INHBA: variants seen among roughly 807,000 people sequenced by gnomAD.
INHBA encodes inhibin subunit beta A, also known as inhibin beta A chain.
In INHBA, 1 loss-of-function variant was observed where a neutral mutation model predicts 29.0. The ratio of observed to expected loss-of-function variants is 0.03; its 90% CI spans 0.01 to 0.16. The LOEUF (loss-of-function observed/expected upper bound fraction) is 0.16, where lower values mean the gene tolerates loss of function less well. Ranked by LOEUF, INHBA falls within the 10% of genes least tolerant of loss-of-function variation. The pLI is 1.00. For synonymous variants in INHBA, 242 were observed against 216.8 expected, an observed-to-expected ratio of 1.12 and a Z score of -1.02; for missense variants, 376 against 545.4, an observed-to-expected ratio of 0.69 and a Z score of 3.09.
chr7:41,700,398 T>C lies in INHBA; in HGVS notation c.-24A>G, dbSNP rs745944714. 10 of 1,416,030 alleles carry C rather than the reference T, an allele frequency of 7.1e-6. No homozygotes were observed. The East Asian group carries it at 1.2e-4, about 17-fold the overall frequency. 87.7% of individuals were successfully genotyped at this position (1,416,030 alleles called of 1,614,324 possible). ...ATCCTGGCAGCAAAAGTTGTTGTGA[T>C]TGCCTTTTTAAAAGGCCCTGCTTTT... On this transcript the variant is annotated 5_prime_UTR_variant, in exon 2 of 3. Transcript: ENST00000242208.
chr7:41,699,086 T>G (rs1305252790), intron 2 of INHBA, among the ~76,000 whole-genome samples: 2 of 152,226 alleles, frequency 1.3e-5, no homozygotes, highest in African/African-American at 4.8e-5. Context: ...TCCAAGTCCA[T>G]GGGCCCATAC....
At chr7:41,702,394 T>C (rs990335157) in intron 1 of INHBA, among the ~76,000 whole-genome samples, 4 of 152,190 alleles carry the variant, frequency 2.6e-5, no homozygotes, top group Non-Finnish European at 5.9e-5. Context: ...TCCAGAAACA[T>C]CAATTACTCC....
At position 41,687,493 on chromosome 7, in the gene INHBA, A is replaced by G. The variant is rs1266341627; in HGVS notation, c.*2157T>C. The G allele has an allele frequency of 6.6e-6, 1 of 152,236 alleles. No homozygotes were observed. Among genetic ancestry groups the G allele is most frequent in the Non-Finnish European group, 1.5e-5 (1 of 68,042 alleles). 9.4% of individuals were successfully genotyped at this position (152,236 alleles called of 1,614,324 possible). A position where few individuals can be genotyped will look rare whatever the true frequency, so the allele number is the denominator to read the frequency against. The stretch of plus-strand genomic sequence containing the variant: ...AGCTATTCCAGGCAAGCTAAGTACT[A>G]GAATAAACTAGATAAAAACTTGGCT... On this transcript the variant is annotated 3_prime_UTR_variant, in exon 3 of 3. Coordinates refer to ENST00000242208, the MANE Select transcript of INHBA (RefSeq NM_002192.4).
chr7:41,689,963 T>C lies in INHBA; in HGVS notation c.968A>G (p.Lys323Arg). Residue 323 changes from lysine (K) to arginine (R), a missense_variant, in exon 3 of 3, where the codon AAG (lysine) becomes AGG (arginine). Lys to Arg is a conservative substitution (Grantham distance 26, BLOSUM62 2). Transcript: ENST00000242208. ...CTTGAAACTGACAAAGAACTGTTTC[T>C]TACAGCAGATGTTGACCTTGCCATC... is the stretch of plus-strand genomic sequence containing the variant. ...ECDGKVNICCKKQFFVSFKDI... is the reference protein window; with the variant it reads ...ECDGKVNICCRKQFFVSFKDI... 6.2e-7 allele frequency: 1 copy of C among 1,614,064 alleles called. No homozygotes were observed. The highest frequency in any genetic ancestry group is 8.5e-7 in the Non-Finnish European group (1 of 1,180,034).
rs1014266777 is a variant in INHBA, at chr7:41,685,669, G to C, written c.*3981C>G. ...ATTTAAATAGAGGGTAAAACCCTTT[G>C]GAAATTAATACAGAAGAAATGATTC... On this transcript the variant is annotated 3_prime_UTR_variant, in exon 3 of 3. Coordinates refer to ENST00000242208, the MANE Select transcript of INHBA (RefSeq NM_002192.4). 9 of 151,958 alleles carry C rather than the reference G, an allele frequency of 5.9e-5. No individual in the cohort carries two copies. Among genetic ancestry groups the C allele is most frequent in the Non-Finnish European group, 1.0e-4 (7 of 67,926 alleles). The allele number at this position is 151,958 out of a possible 1,614,324, so 9.4% of individuals were successfully genotyped here. A position where few individuals can be genotyped will look rare whatever the true frequency, so the allele number is the denominator to read the frequency against.
chr7:41,700,221 G>A lies in INHBA; in HGVS notation c.154C>T (p.Pro52Ser). The A allele has an allele frequency of 6.2e-7, 1 of 1,613,934 alleles. No homozygotes were observed. Among genetic ancestry groups the A allele is most frequent in the Non-Finnish European group, 8.5e-7 (1 of 1,179,952 alleles). ...ALPKDVPNSQ[P>S]EMVEAVKKHI... ...TTCTTGACGGCCTCCACCATCTCTGGCTGAGAGTTGGGTACATCCTTTGGG... is the reference window on the plus strand; with the variant it reads ...TTCTTGACGGCCTCCACCATCTCTGACTGAGAGTTGGGTACATCCTTTGGG... Residue 52 changes from proline (P) to serine (S), a missense_variant, in exon 2 of 3, where the codon CCA becomes TCA. Physicochemically the swap from Pro to Ser is moderately conservative, Grantham distance 74. This residue lies in a region of INHBA where 71 missense variants were observed against 77.0 expected (regional missense o/e 0.92). Coordinates refer to ENST00000242208, the MANE Select transcript of INHBA (RefSeq NM_002192.4).
rs779393124 is a variant in INHBA, at chr7:41,689,691, C to A, written c.1240G>T (p.Asp414Tyr). Reference protein sequence around the residue: ...YDDGQNIIKKDIQNMIVEECG... With the variant: ...YDDGQNIIKKYIQNMIVEECG... ...TCCTCCACGATCATGTTCTGAATGT[C>A]CTTTTTGATGATGTTTTGACCATCA... Residue 414 changes from aspartate (D) to tyrosine (Y), a missense_variant, in exon 3 of 3, where the codon GAC becomes TAC. Asp to Tyr is a radical substitution (Grantham distance 160). Around this residue, in one of 4 missense-constraint regions of INHBA, gnomAD observed 50 missense variants for 137.9 expected, o/e 0.36. Transcript: ENST00000242208. 1 of 1,607,658 alleles carries A rather than the reference C, an allele frequency of 6.2e-7. No individual in the cohort carries two copies. The highest frequency in any genetic ancestry group is 8.5e-7 in the Non-Finnish European group (1 of 1,176,686).
chr7:41,690,685 G>A lies in INHBA; in HGVS notation c.389-143C>T, dbSNP rs1794482101. 27 of 1,061,230 alleles carry A rather than the reference G, an allele frequency of 2.5e-5. 1 individual carries two copies. The South Asian group carries it at 4.6e-4, about 18-fold the overall frequency. 65.7% of individuals were successfully genotyped at this position (1,061,230 alleles called of 1,614,324 possible). ...GTCAACAAATGACAGCCCATGGGCTGAAACTGTTTCTGTACTGCCTGCAAA... is the reference window on the plus strand; with the variant it reads ...GTCAACAAATGACAGCCCATGGGCTAAAACTGTTTCTGTACTGCCTGCAAA... On this transcript the variant is annotated intron_variant, in intron 2 of 2. Coordinates refer to ENST00000242208, the MANE Select transcript of INHBA (RefSeq NM_002192.4).
chr7:41,700,128 G>C lies in INHBA; in HGVS notation c.247C>G (p.Leu83Val), dbSNP rs748436551. The part of the protein sequence containing the change: ...DVTQPVPKAA[L>V]LNAIRKLHVG... ...TGAAGCTTTCTGATCGCGTTCAGAA[G>C]CGCCGCCTTGGGTACCGGCTGGGTG... The change falls in exon 2 of 3, where the codon CTT (leucine) becomes GTT (valine). Residue 83 changes from leucine (L) to valine (V), a missense_variant. Physicochemically the swap from Leu to Val is conservative, Grantham distance 32 (BLOSUM62 1). Coordinates refer to ENST00000242208, the MANE Select transcript of INHBA (RefSeq NM_002192.4). 1 of 1,614,092 alleles carries C rather than the reference G, an allele frequency of 6.2e-7. No individual in the cohort carries two copies. The highest frequency in any genetic ancestry group is 1.1e-5 in the South Asian group (1 of 91,068).
chr7:41,690,386 G>A lies in INHBA; in HGVS notation c.545C>T (p.Pro182Leu), dbSNP rs766987359. Residue 182 changes from proline to leucine, a missense_variant, in exon 3 of 3, where the codon CCG becomes CTG. Physicochemically the swap from Pro to Leu is moderately conservative, Grantham distance 98. This residue lies in a region of INHBA where 253 missense variants were observed against 313.4 expected (regional missense o/e 0.81). Coordinates refer to ENST00000242208, the MANE Select transcript of INHBA (RefSeq NM_002192.4). ...TIRLFQQQKH[P>L]QGSLDTGEEA... ...TTCCCCTGTGTCCAAGCTGCCCTGC[G>A]GGTGCTTCTGCTGCTGGAAGAGGCG... The A allele has an allele frequency of 1.9e-6, 3 of 1,614,054 alleles. No homozygotes were observed. Among genetic ancestry groups the A allele is most frequent in the East Asian group, 2.2e-5 (1 of 44,842 alleles).
Position 41,700,151 on chromosome 7 carries a change from G to A in INHBA, c.224C>T (p.Thr75Ile), listed in dbSNP as rs182017908. The part of the protein sequence containing the change: ...MLHLKKRPDV[T>I]QPVPKAALLN... ...AAGCGCCGCCTTGGGTACCGGCTGG[G>A]TGACATCGGGTCTCTTCTTCAAGTG... The change falls in exon 2 of 3, where the codon ACC becomes ATC. Residue 75 changes from threonine to isoleucine, a missense_variant. Around this residue, in one of 4 missense-constraint regions of INHBA, gnomAD observed 253 missense variants for 313.4 expected, o/e 0.81. Coordinates refer to ENST00000242208, the MANE Select transcript of INHBA (RefSeq NM_002192.4). The A allele has an allele frequency of 3.6e-5, 58 of 1,614,106 alleles. No homozygotes were observed. In the East Asian group the frequency reaches 1.2e-3, roughly 32 times the overall value.
chr7:41,701,798 G>C (rs1435445041), intron 1 of INHBA, among the ~76,000 whole-genome samples: 1 of 152,162 alleles, frequency 6.6e-6, no homozygotes, highest in Admixed American at 6.5e-5. Flanking sequence ...TCTGTCATGT[G>C]GTAGTTTTTT....
intron 2 of INHBA, among the ~76,000 whole-genome samples, 179 bp from the exon 3 acceptor site, chr7:41,690,721 C>A (rs112414918): frequency 1.2e-4 from 18 of 152,214 alleles, no homozygotes; most frequent in African/African-American, 4.1e-4. Context: ...CTAAGAATGG[C>A]TTTTATACTT....
chr7:41,698,050 C>T (rs1306094646), intron 2 of INHBA, among the ~76,000 whole-genome samples: 2 of 152,102 alleles, frequency 1.3e-5, no homozygotes, highest in Non-Finnish European at 2.9e-5. Context: ...CAACGAATCG[C>T]TTTTTCAAAA....
intron 2 of INHBA, among the ~76,000 whole-genome samples, chr7:41,695,975 C>T (rs1794637692): frequency 6.6e-6 from 1 of 152,166 alleles, no homozygotes; most frequent in Non-Finnish European, 1.5e-5. Context: ...TCCACCCTGG[C>T]ATCTCCACCA....
Position 41,685,810 on chromosome 7 carries a change from C to A in INHBA, c.*3840G>T, listed in dbSNP as rs1794383274. On this transcript the variant is annotated 3_prime_UTR_variant, in exon 3 of 3. Coordinates refer to ENST00000242208, the MANE Select transcript of INHBA (RefSeq NM_002192.4). ...TTCTCTGACCCATACAACAGCTTCTCAGTGATACAGGGTTTAATTTAAACA... is the reference window on the plus strand; with the variant it reads ...TTCTCTGACCCATACAACAGCTTCTAAGTGATACAGGGTTTAATTTAAACA... 2 of 152,258 alleles carry A rather than the reference C, an allele frequency of 1.3e-5. No homozygotes were observed. Among genetic ancestry groups the A allele is most frequent in the African/African-American group, 2.4e-5 (1 of 41,566 alleles). The allele number at this position is 152,258 out of a possible 1,614,324, so 9.4% of individuals were successfully genotyped here. A position where few individuals can be genotyped will look rare whatever the true frequency, so the allele number is the denominator to read the frequency against.
At chr7:41,701,954 C>T (rs1034891866) in intron 1 of INHBA, among the ~76,000 whole-genome samples, 1 of 152,096 alleles carries the variant, frequency 6.6e-6, no homozygotes, top group African/African-American at 2.4e-5. Flanking sequence ...TTTAACAATG[C>T]CTTTCTAAGG....
chr7:41,696,235 G>A (rs916332466), intron 2 of INHBA, among the ~76,000 whole-genome samples: 8 of 152,230 alleles, frequency 5.3e-5, no homozygotes, highest in Non-Finnish European at 1.2e-4. Context: ...GGAGATGGAA[G>A]ATGTTTTTGT....
chr7:41,696,838 T>C (rs1418745912), intron 2 of INHBA, among the ~76,000 whole-genome samples: 1 of 152,090 alleles, frequency 6.6e-6, no homozygotes, highest in Non-Finnish European at 1.5e-5. Flanking sequence ...ACTCAAATCT[T>C]CCATACATAG....
Sources: gnomAD v4.1 joint callset for allele counts (sites outside exome capture counted in the v4.1 genomes callset) on GRCh38, gnomAD v4.1.1 for gene constraint, gnomAD v4.1.1 regional missense constraint, MANE v1.5 for transcripts, NCBI Gene and HGNC (gene_info 2026-07-23, HGNC 2026-07-21) for gene names.